The following IRAG2 variants were observed in gnomAD, a reference collection of about 807,000 sequenced individuals.
The protein encoded by IRAG2 is lymphoid restricted membrane protein.
Under a neutral mutation model 69.9 loss-of-function variants are expected in IRAG2, and 45 were observed. That is an observed-to-expected ratio of 0.64 (90% confidence interval 0.51 to 0.83). IRAG2 has a LOEUF of 0.83. Ranked by LOEUF, IRAG2 falls within the 40% of genes least tolerant of loss-of-function variation. The pLI, the probability that IRAG2 is intolerant of heterozygous loss-of-function variation, is 0.00. For missense variants in IRAG2, 520 were observed against 587.0 expected (o/e 0.89, Z 1.18); for synonymous variants, 193 against 202.4 (o/e 0.95, Z 0.40).
intron 20 of IRAG2, among the ~76,000 whole-genome samples, chr12:25,105,077 T>G (rs1351061609): frequency 1.2e-4 from 18 of 144,298 alleles, no homozygotes; most frequent in African/African-American, 4.6e-4. Flanking sequence ...CTCAGTTTTT[T>G]TTTTTTTTTT....
At chr12:25,074,993 T>G (rs1432977450) in intron 6 of IRAG2, among the ~76,000 whole-genome samples, 1 of 152,180 alleles carries the variant, frequency 6.6e-6, no homozygotes, top group Admixed American at 6.6e-5. Context: ...ACATTGCCAG[T>G]TGCAAAATTG....
chr12:25,054,078 A>G (rs2139900184), intron 1 of IRAG2, among the ~76,000 whole-genome samples: 1 of 152,328 alleles, frequency 6.6e-6, no homozygotes, highest in Middle Eastern at 3.4e-3. Flanking sequence ...CAAAAATTAC[A>G]AACAAATAAA....
chr12:25,107,060 C>T lies in IRAG2; in HGVS notation c.1256+10C>T, dbSNP rs770681058. On this transcript the variant is annotated intron_variant, in intron 21 of 21. Transcript: ENST00000556887. ...GGGATGTCTCTTCAGTGTAAGTTAT[C>T]TACTTGATAAATTCTACCATTTTAG... 6 of 1,458,348 alleles carry T rather than the reference C, an allele frequency of 4.1e-6. No individual in the cohort carries two copies. In the Admixed American group the frequency reaches 8.7e-5, roughly 21 times the overall value. The allele number at this position is 1,458,348 out of a possible 1,614,324, so 90.3% of individuals were successfully genotyped here.
At chr12:25,078,847 C>T (rs1178996426) in intron 6 of IRAG2, among the ~76,000 whole-genome samples, 3 of 152,106 alleles carry the variant, frequency 2.0e-5, no homozygotes, top group Non-Finnish European at 2.9e-5. Flanking sequence ...TTAAAATTAC[C>T]AGGTCAGAAA....
At chr12:25,091,406 C>T (rs972889720) in intron 14 of IRAG2, among the ~76,000 whole-genome samples, 2 of 152,168 alleles carry the variant, frequency 1.3e-5, no homozygotes, top group African/African-American at 4.8e-5. Context: ...AAGGCTTATC[C>T]ATATTATAGC....
intron 1 of IRAG2, among the ~76,000 whole-genome samples, chr12:25,057,048 C>T (rs1342696654): frequency 3.9e-5 from 6 of 152,100 alleles, no homozygotes; most frequent in Non-Finnish European, 2.9e-5. Context: ...CACCCCACCA[C>T]CACTGTTCTA....
At chr12:25,026,567 T>G (rs1381385692) in intron 8 of IRAG2, among the ~76,000 whole-genome samples, 1 of 152,120 alleles carries the variant, frequency 6.6e-6, no homozygotes, top group Non-Finnish European at 1.5e-5. Flanking sequence ...AAGAGGTGGT[T>G]GTTGAACGGT....
chr12:25,005,463 G>A (rs1157368685), intron 2 of IRAG2: 8 of 441,544 alleles, frequency 1.8e-5, no homozygotes, highest in East Asian at 1.1e-4. Context: ...CATTGTCTGC[G>A]TCTACATATG....
intron 7 of IRAG2, among the ~76,000 whole-genome samples, chr12:25,023,121 C>T (rs1335492446): frequency 1.7e-4 from 14 of 80,034 alleles, no homozygotes; most frequent in East Asian, 6.1e-4. Flanking sequence ...AGCGAGACTT[C>T]GTCTCAAAAA....
chr12:25,043,741 G>T (rs1944769497), intron 16 of IRAG2, among the ~76,000 whole-genome samples: 1 of 152,170 alleles, frequency 6.6e-6, no homozygotes. Flanking sequence ...TTGATTAAGG[G>T]ATTTCTCCGG....
chr12:25,014,180 T>G (rs1944502255), intron 3 of IRAG2, among the ~76,000 whole-genome samples: 1 of 151,950 alleles, frequency 6.6e-6, no homozygotes, highest in Admixed American at 6.6e-5. Context: ...CGGCCTAATT[T>G]TTTGTTTTCT....
intron 1 of IRAG2, among the ~76,000 whole-genome samples, chr12:25,058,303 A>T (rs1161110189): frequency 2.0e-5 from 3 of 152,118 alleles, no homozygotes; most frequent in Admixed American, 2.0e-4. Flanking sequence ...TGGGTATTTC[A>T]TTGTGATTTT....
chr12:25,088,182 C>T, intron 11 of IRAG2, 25 bp downstream of exon 11: 1 of 1,589,030 alleles, frequency 6.3e-7, no homozygotes, highest in Non-Finnish European at 8.6e-7. Context: ...TTTCAATCCC[C>T]ATGTGAACTT....
At chr12:25,043,979 A>C (rs1447715013) in intron 16 of IRAG2, among the ~76,000 whole-genome samples, 1 of 152,212 alleles carries the variant, frequency 6.6e-6, no homozygotes, top group Non-Finnish European at 1.5e-5. Flanking sequence ...GAATTTTAAC[A>C]AAAAGAAAAT....
chr12:25,030,031 C>T (rs1481642170), intron 9 of IRAG2, among the ~76,000 whole-genome samples: 1 of 152,166 alleles, frequency 6.6e-6, no homozygotes, highest in African/African-American at 2.4e-5. Context: ...CCAGGCTCAG[C>T]TCTGCCATTG....
chr12:25,076,921 G>A (rs997863677), intron 6 of IRAG2, among the ~76,000 whole-genome samples: 1 of 150,730 alleles, frequency 6.6e-6, no homozygotes, highest in African/African-American at 2.4e-5. Context: ...TGTCACCCAG[G>A]CTGGGGTGCA....
intron 8 of IRAG2, chr12:25,026,696 G>C: frequency 4.1e-6 from 2 of 490,714 alleles, no homozygotes; most frequent in Non-Finnish European, 6.4e-6. Context: ...AATACTGAGA[G>C]TGATGAAATA....
chr12:24,997,782 A>G, the IRAG2 span, among the ~76,000 whole-genome samples: 1 of 152,338 alleles, frequency 6.6e-6, no homozygotes, highest in East Asian at 1.9e-4. Flanking sequence ...CAAACCTCCA[A>G]TAAGTCTATA....
intron 16 of IRAG2, 24 bp downstream of exon 16, chr12:25,101,349 T>A: frequency 2.0e-6 from 3 of 1,519,602 alleles, no homozygotes; most frequent in Non-Finnish European, 2.7e-6. Context: ...ATGATAATAG[T>A]ATTAGTTGTG....
Sources: gnomAD v4.1 joint callset for allele counts (sites outside exome capture counted in the v4.1 genomes callset) on GRCh38, gnomAD v4.1.1 for gene constraint, MANE v1.5 for transcripts, NCBI Gene and HGNC (gene_info 2026-07-23, HGNC 2026-07-21) for gene names.